Variants in KMT2E observed in about 807,000 individuals in gnomAD.
KMT2E encodes the protein histone reader KMT2E.
In KMT2E, 30 loss-of-function variants were observed where a neutral mutation model predicts 184.6. That is an observed-to-expected ratio of 0.16 (90% CI 0.12 to 0.22). The LOEUF (loss-of-function observed/expected upper bound fraction) is 0.22. Ranked by LOEUF, KMT2E falls within the 10% of genes least tolerant of loss-of-function variation. The pLI, the probability that KMT2E is intolerant of heterozygous loss-of-function variation, is 1.00. For missense variants in KMT2E, 2,023 were observed against 2,237.4 expected, an observed-to-expected ratio of 0.90 and a Z score of 1.93; for synonymous variants, 815 against 776.5, an observed-to-expected ratio of 1.05 and a Z score of -0.82.
intron 3 of KMT2E, among the ~76,000 whole-genome samples, chr7:105,059,990 T>TG (rs1562898249): frequency 2.5e-4 from 17 of 66,766 alleles, no homozygotes; most frequent in African/African-American, 1.8e-3. Context: ...TTTTTTTTTT[T>TG]TTTTTTTTTT....
At position 105,112,907 on chromosome 7, in the gene KMT2E, A is replaced by AC; in HGVS notation, c.5156dup (p.Pro1720SerfsTer149). 6.2e-7 allele frequency: 1 copy of AC among 1,603,942 alleles called. No individual in the cohort carries two copies. The highest frequency in any genetic ancestry group is 8.5e-7 in the Non-Finnish European group (1 of 1,177,524). On this transcript the variant is annotated frameshift_variant, in exon 27 of 27. Coordinates refer to ENST00000311117, the MANE Select transcript of KMT2E (RefSeq NM_182931.3). LOFTEE classifies it high-confidence loss of function. ...ATGTTGTAAATTCAGCACCCCCACC[A>AC]CCCCCTCCGCCGCCACCTTCCAGTG...
At chr7:105,073,731 C>A in intron 7 of KMT2E, 54 bp downstream of exon 7, 1 of 1,035,386 alleles carries the variant, frequency 9.7e-7, no homozygotes. Context: ...AGAGAATAAA[C>A]GGTTCTCTCA....
chr7:105,087,668 C>A (rs913052418), intron 13 of KMT2E, among the ~76,000 whole-genome samples: 3 of 152,010 alleles, frequency 2.0e-5, no homozygotes, highest in African/African-American at 7.2e-5. Flanking sequence ...AGGCAATCCA[C>A]CTGCCTCGGC....
At chr7:105,032,303 G>A (rs928618759) in intron 1 of KMT2E, among the ~76,000 whole-genome samples, 2 of 152,022 alleles carry the variant, frequency 1.3e-5, no homozygotes, top group African/African-American at 4.8e-5. Flanking sequence ...AATTAGCTGG[G>A]CATGGTGGCA....
At chr7:105,060,648 C>T (rs1311687392) in intron 3 of KMT2E, among the ~76,000 whole-genome samples, 2 of 151,912 alleles carry the variant, frequency 1.3e-5, no homozygotes, top group East Asian at 3.9e-4. Context: ...CTTACCCAAG[C>T]TACTCCTGAA....
rs79599106 is a variant in KMT2E at position 105,032,949 on chromosome 7, C to T, written c.-188-5177C>T. On this transcript the variant is annotated intron_variant, in intron 1 of 26. Coordinates refer to ENST00000311117, the MANE Select transcript of KMT2E (RefSeq NM_182931.3). ...TTTTTCCTATCAGATTTTAAGTCAGCATTTTCTTTTAGCTATTGATTTTCA... is the reference window on the plus strand; with the variant it reads ...TTTTTCCTATCAGATTTTAAGTCAGTATTTTCTTTTAGCTATTGATTTTCA... Among the ~76,000 whole-genome samples, 457 of 152,250 alleles carry T rather than the reference C, an allele frequency of 3.0e-3. 15 individuals carry two copies. In the East Asian group the frequency reaches 0.062, roughly 21 times the overall value.
intron 3 of KMT2E, among the ~76,000 whole-genome samples, chr7:105,043,767 G>GT (rs1166876930): frequency 6.6e-6 from 1 of 152,072 alleles, no homozygotes; most frequent in Non-Finnish European, 1.5e-5. Flanking sequence ...TGGAAATAGC[G>GT]TTTTTTCATT....
rs1799413247 is a variant in KMT2E at position 105,113,286 on chromosome 7, G to C, written c.5530G>C (p.Val1844Leu). Reference protein sequence around the residue: ...PGQIPIHRAQVPPTFQNNYHG... With the variant: ...PGQIPIHRAQLPPTFQNNYHG... ...ACAGATTCCAATTCACAGAGCACAG[G>C]TGCCACCAACATTTCAAAACAATTA... Residue 1844 changes from valine (V) to leucine (L), a missense_variant, in exon 27 of 27, where the codon GTG becomes CTG. Around this residue, in one of 8 missense-constraint regions of KMT2E, gnomAD observed 1,108 missense variants for 1,050.9 expected, o/e 1.05. Transcript: ENST00000311117. 1 of 1,613,626 alleles carries C rather than the reference G, an allele frequency of 6.2e-7. No homozygotes were observed. Among genetic ancestry groups the C allele is most frequent in the Admixed American group, 1.7e-5 (1 of 60,006 alleles).
At chr7:105,090,844 A>G (rs73404021) in intron 14 of KMT2E, among the ~76,000 whole-genome samples, 6,311 of 152,222 alleles carry the variant, frequency 0.041, 464 homozygotes, top group African/African-American at 0.14. Context: ...CCAGGGGCCT[A>G]TCTTCTAGAA....
At chr7:105,074,852 T>A in intron 8 of KMT2E, 37 bp downstream of exon 8, 1 of 1,489,754 alleles carries the variant, frequency 6.7e-7, no homozygotes, top group Non-Finnish European at 9.0e-7. Context: ...GTGGATAGGA[T>A]AGCGGATAGG....
At chr7:105,060,076 A>T (rs1041506013) in intron 3 of KMT2E, among the ~76,000 whole-genome samples, 2 of 132,718 alleles carry the variant, frequency 1.5e-5, no homozygotes, top group African/African-American at 5.7e-5. Context: ...GCTCACTGCA[A>T]CCTCTGCCAC....
intron 3 of KMT2E, among the ~76,000 whole-genome samples, chr7:105,051,737 G>C (rs1014165767): frequency 7.2e-5 from 11 of 152,044 alleles, no homozygotes; most frequent in Non-Finnish European, 1.3e-4. Flanking sequence ...TCCTGCCTCA[G>C]CCTCCAGAGT....
chr7:105,049,986 T>A (rs1178500097), intron 3 of KMT2E, among the ~76,000 whole-genome samples: 1 of 152,198 alleles, frequency 6.6e-6, no homozygotes, highest in African/African-American at 2.4e-5. Flanking sequence ...TCTCACCTTT[T>A]CAGAATCTTC....
rs10598888 is a variant in KMT2E, at chr7:105,076,872, TTGTGTGTGTGTGTGTGTGTGTG to T, written c.769-65_769-44del. 857 of 632,432 alleles carry T rather than the reference TTGTGTGTGTGTGTGTGTGTGTG, an allele frequency of 1.4e-3. 1 individual carries two copies. The highest frequency in any genetic ancestry group is 2.0e-3 in the East Asian group (69 of 35,080). 39.2% of individuals were successfully genotyped at this position (632,432 alleles called of 1,614,324 possible). On this transcript the variant is annotated intron_variant, in intron 9 of 26. Transcript: ENST00000311117. Reference sequence around the variant, plus strand: ...TCTTTTGTATAGATTGCCGTTAATTTTGTGTGTGTGTGTGTGTGTGTGTGTGTGTGTGTGTGTGTGTGTGTGT... The same window carrying T: ...TCTTTTGTATAGATTGCCGTTAATTTTGTGTGTGTGTGTGTGTGTGTGTGT...
intron 12 of KMT2E, among the ~76,000 whole-genome samples, chr7:105,079,182 C>T (rs1384996630): frequency 6.7e-6 from 1 of 148,394 alleles, no homozygotes; most frequent in East Asian, 2.0e-4. Context: ...GTTGCCCAGG[C>T]TGGAATACAA....
intron 3 of KMT2E, among the ~76,000 whole-genome samples, chr7:105,052,601 C>T (rs1402215197): frequency 2.0e-5 from 3 of 151,870 alleles, no homozygotes; most frequent in African/African-American, 7.3e-5. Flanking sequence ...CTCTGTCGCC[C>T]AGGCTAGAGT....
In KMT2E at chr7:105,112,754, G is replaced by T; in HGVS notation, c.4998G>T (p.Ser1666=). 6.2e-7 allele frequency: 1 copy of T among 1,613,088 alleles called. No individual in the cohort carries two copies. Among genetic ancestry groups the T allele is most frequent in the South Asian group, 1.1e-5 (1 of 91,018 alleles). ...VGPVHAVTPG[S]HIHSQTAGHH... The stretch of plus-strand genomic sequence containing the variant: ...CTGTTCATGCGGTCACCCCTGGGTC[G>T]CATATTCATTCTCAAACTGCTGGAC... Residue 1666 remains serine (S), a synonymous_variant, in exon 27 of 27, where the codon TCG becomes TCT. Transcript: ENST00000311117.
In KMT2E at chr7:105,113,253, G is replaced by A. The variant is rs1343621423; in HGVS notation, c.5497G>A (p.Val1833Met). The A allele has an allele frequency of 6.2e-7, 1 of 1,614,208 alleles. No individual in the cohort carries two copies. The highest frequency in any genetic ancestry group is 8.5e-7 in the Non-Finnish European group (1 of 1,180,022). Reference sequence around the variant, plus strand: ...TCAAGGACCTCAGCAGGCATCTCCAGTGCCTGGACAGATTCCAATTCACAG... The same window carrying A: ...TCAAGGACCTCAGCAGGCATCTCCAATGCCTGGACAGATTCCAATTCACAG... ...GVQGPQQASP[V>M]PGQIPIHRAQ... The change falls in exon 27 of 27, where the codon GTG (valine) becomes ATG (methionine). Residue 1833 changes from valine (V) to methionine (M), a missense_variant. Physicochemically the swap from Val to Met is conservative, Grantham distance 21. Around this residue, in one of 8 missense-constraint regions of KMT2E, gnomAD observed 1,108 missense variants for 1,050.9 expected, o/e 1.05. Coordinates refer to ENST00000311117, the MANE Select transcript of KMT2E (RefSeq NM_182931.3).
chr7:105,052,694 G>T (rs1187862162), intron 3 of KMT2E, among the ~76,000 whole-genome samples: 1 of 151,796 alleles, frequency 6.6e-6, no homozygotes. Context: ...AAGTAAATGG[G>T]ATTACAGCTA....
Sources: gnomAD v4.1 joint callset for allele counts (sites outside exome capture counted in the v4.1 genomes callset) on GRCh38, gnomAD v4.1.1 for gene constraint, gnomAD v4.1.1 regional missense constraint, MANE v1.5 for transcripts, NCBI Gene and HGNC (gene_info 2026-07-23, HGNC 2026-07-21) for gene names.